Variants in FBXL18 observed in about 807,000 individuals in gnomAD.
FBXL18 encodes F-box and leucine rich repeat protein 18, also known as F-box/LRR-repeat protein 18.
FBXL18 carries 36 observed loss-of-function variants against 46.0 expected under a neutral mutation model. The observed-to-expected ratio is 0.78, with a 90% CI of 0.60 to 1.03. The LOEUF (loss-of-function observed/expected upper bound fraction) is 1.03. FBXL18 is among the 50% of genes least tolerant of loss of function. The pLI is 0.00. For missense variants in FBXL18, 977 were observed against 1,004.1 expected (o/e 0.97, Z 0.36); for synonymous variants, 557 against 465.3 (o/e 1.20, Z -2.54).
intron 3 of FBXL18, among the ~76,000 whole-genome samples, chr7:5,493,367 T>A (rs897391949): frequency 2.0e-5 from 3 of 152,040 alleles, no homozygotes; most frequent in African/African-American, 7.2e-5. Context: ...AGTGGCGTGA[T>A]CTCAGCTCAT....
chr7:5,503,133 C>A (rs1784310303), intron 2 of FBXL18, among the ~76,000 whole-genome samples: 1 of 152,274 alleles, frequency 6.6e-6, no homozygotes, highest in Non-Finnish European at 1.5e-5. Flanking sequence ...TGTAATCCCG[C>A]ACTTTGGAAG....
In FBXL18 at chr7:5,455,015, A is replaced by ACTT. The variant is rs1408587224; in HGVS notation, c.2001-7173_2001-7172insAAG. 3.9e-5 allele frequency among the ~76,000 whole-genome samples: 6 copies of ACTT among 152,330 alleles called. No individual in the cohort carries two copies. The East Asian group carries it at 1.2e-3, about 29-fold the overall frequency. Reference sequence around the variant, plus strand: ...CCAGAGCCTGGAGGGTGGTGCTCTAAGAGTGATCCCAGTCACACTGGCACT... The same window carrying ACTT: ...CCAGAGCCTGGAGGGTGGTGCTCTAACTTGAGTGATCCCAGTCACACTGGCACT... On this transcript the variant is annotated intron_variant and NMD_transcript_variant, in intron 4 of 6. Transcript: ENST00000415009. This position sits in a 1 kb window ranked among gnomAD's most constrained non-coding sequence, Gnocchi z 4.6.
Position 5,481,657 on chromosome 7 carries a change from G to A in FBXL18, c.*118C>T, listed in dbSNP as rs1245289478. ...GCCGGGAGCCCCAGGAGCCAGGTGG[G>A]GCGTGGCTGGCCGGGAGAGAGGCCC... On this transcript the variant is annotated 3_prime_UTR_variant, in exon 5 of 5. Transcript: ENST00000382368. The A allele has an allele frequency of 1.9e-6, 2 of 1,078,512 alleles. No individual in the cohort carries two copies. The highest frequency in any genetic ancestry group is 2.7e-6 in the Non-Finnish European group (2 of 733,114). The allele number at this position is 1,078,512 out of a possible 1,614,324, so 66.8% of individuals were successfully genotyped here. A position where few individuals can be genotyped will look rare whatever the true frequency, so the allele number is the denominator to read the frequency against.
chr7:5,505,926 G>A (rs1175504076), intron 1 of FBXL18, among the ~76,000 whole-genome samples: 3 of 152,166 alleles, frequency 2.0e-5, no homozygotes, highest in Non-Finnish European at 2.9e-5. Context: ...AGTCAATGGC[G>A]TGATCTCGGC....
intron 4 of FBXL18, among the ~76,000 whole-genome samples, chr7:5,464,395 G>C: frequency 6.6e-6 from 1 of 151,920 alleles, no homozygotes; most frequent in East Asian, 1.9e-4. Flanking sequence ...AGGGAGAATT[G>C]CTTGAACCCA....
chr7:5,510,043 T>TACAC (rs1784490167), intron 1 of FBXL18, among the ~76,000 whole-genome samples: 1 of 151,968 alleles, frequency 6.6e-6, no homozygotes, highest in African/African-American at 2.4e-5. Context: ...AGCTCATGCG[T>TACAC]GTAATTCCAG....
intron 3 of FBXL18, among the ~76,000 whole-genome samples, chr7:5,494,221 A>G (rs1784012790): frequency 2.0e-5 from 3 of 152,116 alleles, no homozygotes; most frequent in Admixed American, 2.0e-4. Flanking sequence ...GCGGTGAGCC[A>G]AGATGGCACC....
rs754615010 is a variant in FBXL18 at position 5,500,489 on chromosome 7, T to C, written c.1780A>G (p.Arg594Gly). 1.3e-6 allele frequency: 2 copies of C among 1,596,450 alleles called. No homozygotes were observed. Among genetic ancestry groups the C allele is most frequent in the African/African-American group, 1.3e-5 (1 of 74,618 alleles). Reference sequence around the variant, plus strand: ...GAGAGGTCCCCGCGGCCCCCTCACCTGAGGTCCCTCAGCCGCTTGCAGTGC... The same window carrying C: ...GAGAGGTCCCCGCGGCCCCCTCACCCGAGGTCCCTCAGCCGCTTGCAGTGC... ...LKHCKRLRDL[R>G]LEQPYFSANA... Residue 594 changes from arginine (R) to glycine (G), a missense_variant and splice_region_variant, in exon 3 of 5, where the codon AGG becomes GGG. By Grantham distance (125) the Arg-to-Gly change is moderately radical. Transcript: ENST00000382368.
chr7:5,461,259 T>C (rs1783239466), intron 4 of FBXL18, among the ~76,000 whole-genome samples: 1 of 152,212 alleles, frequency 6.6e-6, no homozygotes, highest in African/African-American at 2.4e-5. Context: ...GGGCACTTCC[T>C]TAATCGGCTG....
At chr7:5,463,818 A>G (rs13228931) in intron 4 of FBXL18, among the ~76,000 whole-genome samples, 142,675 of 145,324 alleles carry the variant, frequency 0.98, 70,058 homozygotes, top group East Asian at 1. Context: ...TCGGCTCACT[A>G]CAACCTCTGC....
At chr7:5,460,644 G>T (rs1399728114) in intron 4 of FBXL18, among the ~76,000 whole-genome samples, 1 of 152,128 alleles carries the variant, frequency 6.6e-6, no homozygotes, top group Non-Finnish European at 1.5e-5. Flanking sequence ...GTAGAGATGG[G>T]GTTTCACCAT....
At chr7:5,512,354 C>T (rs564973857) in intron 1 of FBXL18, among the ~76,000 whole-genome samples, 3 of 150,420 alleles carry the variant, frequency 2.0e-5, no homozygotes, top group Non-Finnish European at 4.4e-5. Flanking sequence ...GTGGCTCACG[C>T]CTGTAATCCC....
At position 5,502,004 on chromosome 7, in the gene FBXL18, C is replaced by A; in HGVS notation, c.265G>T (p.Val89Leu). ...TGGATCTCCCGGCCGATCTCCTTCA[C>A]CAGCTGCCTCACTTTGTCCTCGCTC... ...QASEDKVRQL[V>L]KEIGREIQQL... The change falls in exon 3 of 5, where the codon GTG (valine) becomes TTG (leucine). Residue 89 changes from valine (V) to leucine (L), a missense_variant. Val to Leu is a conservative substitution (Grantham distance 32). Transcript: ENST00000382368. 1 of 1,603,354 alleles carries A rather than the reference C, an allele frequency of 6.2e-7. No homozygotes were observed. The highest frequency in any genetic ancestry group is 8.5e-7 in the Non-Finnish European group (1 of 1,175,282).
chr7:5,489,295 A>T (rs745591486), intron 4 of FBXL18: 4 of 518,992 alleles, frequency 7.7e-6, no homozygotes, highest in Non-Finnish European at 1.5e-5. Flanking sequence ...TTCATTCTCC[A>T]GGGAAAGTTG....
intron 3 of FBXL18, among the ~76,000 whole-genome samples, chr7:5,499,822 G>A (rs570469191): frequency 1.0e-3 from 159 of 151,894 alleles, no homozygotes; most frequent in Non-Finnish European, 2.0e-3. Flanking sequence ...CACTTTGGGA[G>A]GCCGAGATGG....
intron 4 of FBXL18, among the ~76,000 whole-genome samples, chr7:5,483,685 A>G (rs947088686): frequency 2.0e-4 from 31 of 151,930 alleles, no homozygotes; most frequent in Non-Finnish European, 1.6e-4. Flanking sequence ...CGGAGGTTGC[A>G]GTGAGCCGAG....
At chr7:5,483,056 G>T (rs1351153635) in intron 4 of FBXL18, among the ~76,000 whole-genome samples, 1 of 150,108 alleles carries the variant, frequency 6.7e-6, no homozygotes, top group Non-Finnish European at 1.5e-5. Context: ...AAAAGAAAAA[G>T]AAGAAGAAAA....
chr7:5,503,076 G>A (rs1322785499), intron 2 of FBXL18, among the ~76,000 whole-genome samples: 1 of 152,220 alleles, frequency 6.6e-6, no homozygotes, highest in Non-Finnish European at 1.5e-5. Flanking sequence ...GGGGAAATGT[G>A]ATCCAGCCAC....
At chr7:5,492,918 A>G (rs1192503564) in intron 3 of FBXL18, among the ~76,000 whole-genome samples, 1 of 152,300 alleles carries the variant, frequency 6.6e-6, no homozygotes, top group Middle Eastern at 3.4e-3. Flanking sequence ...TGCCTGTTGC[A>G]TGAAGCCACT....
Sources: allele counts gnomAD v4.1 joint callset (sites outside exome capture counted in the v4.1 genomes callset), GRCh38; gene constraint gnomAD v4.1.1; non-coding constraint Gnocchi (gnomAD v3.1); transcripts MANE v1.5; gene names NCBI Gene and HGNC (gene_info 2026-07-23, HGNC 2026-07-21).